USP49: variants seen among roughly 807,000 people sequenced by gnomAD.
USP49 encodes ubiquitin specific peptidase 49.
Under a neutral mutation model 58.6 loss-of-function variants are expected in USP49, and 24 were observed. The observed-to-expected ratio is 0.41, with a 90% CI of 0.30 to 0.58. The LOEUF is 0.58. Ranked by LOEUF, USP49 falls within the 20% of genes least tolerant of loss-of-function variation. The pLI, the probability that USP49 is intolerant of heterozygous loss-of-function variation, is 0.30. For missense variants in USP49, 703 were observed against 866.1 expected, an observed-to-expected ratio of 0.81 and a Z score of 2.36; for synonymous variants, 408 against 365.1, an observed-to-expected ratio of 1.12 and a Z score of -1.34.
At chr6:41,880,691 T>G (rs1458905857) in intron 2 of USP49, among the ~76,000 whole-genome samples, 6 of 152,188 alleles carry the variant, frequency 3.9e-5, no homozygotes, top group African/African-American at 1.4e-4. Flanking sequence ...TATTTTCATA[T>G]ATGCAGATTC....
chr6:41,828,636 G>C (rs1335243311), intron 3 of USP49, among the ~76,000 whole-genome samples: 3 of 152,196 alleles, frequency 2.0e-5, no homozygotes, highest in Non-Finnish European at 4.4e-5. Flanking sequence ...GCCTCTGGCA[G>C]TCAGATGTGT....
At chr6:41,863,023 C>CA (rs1774250557) in intron 3 of USP49, among the ~76,000 whole-genome samples, 2 of 152,120 alleles carry the variant, frequency 1.3e-5, no homozygotes, top group African/African-American at 4.8e-5. Context: ...GCAATCCGCC[C>CA]ATCTCAGCCT....
intron 3 of USP49, among the ~76,000 whole-genome samples, chr6:41,835,880 C>A (rs1773717662): frequency 1.3e-5 from 2 of 151,788 alleles, no homozygotes; most frequent in Admixed American, 1.3e-4. Context: ...TCAAGATCAG[C>A]CTGAGGAAGA....
At chr6:41,873,927 C>T (rs1774458302) in intron 2 of USP49, among the ~76,000 whole-genome samples, 1 of 152,208 alleles carries the variant, frequency 6.6e-6, no homozygotes, top group Non-Finnish European at 1.5e-5. Context: ...ATCATTTACA[C>T]TACTGCAATA....
chr6:41,855,092 A>T (rs1242836492), intron 3 of USP49, among the ~76,000 whole-genome samples: 1 of 151,774 alleles, frequency 6.6e-6, no homozygotes, highest in Non-Finnish European at 1.5e-5. Context: ...TTTTAATCTT[A>T]TAATTCTATT....
At position 41,805,999 on chromosome 6, in the gene USP49, C is replaced by G; in HGVS notation, c.985G>C (p.Gly329Arg). The change falls in exon 4 of 8, where the codon GGC becomes CGC. Residue 329 changes from glycine to arginine, a missense_variant. Around this residue, in one of 6 missense-constraint regions of USP49, gnomAD observed 97 missense variants for 88.0 expected, o/e 1.10. Coordinates refer to ENST00000682992, the MANE Select transcript of USP49 (RefSeq NM_001286554.2). The part of the protein sequence containing the change: ...NDRAEACERE[G>R]FCWNGRASIS... ...GAGGCCCTGCCGTTCCAGCAGAAGC[C>G]CTCCCGCTCGCATGCCTCGGCCCTG... The G allele has an allele frequency of 6.2e-7, 1 of 1,613,964 alleles. No individual in the cohort carries two copies. The highest frequency in any genetic ancestry group is 8.5e-7 in the Non-Finnish European group (1 of 1,180,030).
At chr6:41,846,974 AG>A (rs1460221348) in intron 3 of USP49, among the ~76,000 whole-genome samples, 3 of 152,226 alleles carry the variant, frequency 2.0e-5, no homozygotes, top group African/African-American at 7.2e-5. Flanking sequence ...GGCAGACATC[AG>A]GGGGAGCAAG....
At chr6:41,797,938 G>T in intron 7 of USP49, 1 of 561,558 alleles carries the variant, frequency 1.8e-6, no homozygotes. Context: ...TGAAATCATA[G>T]CTCATTGCAA....
intron 1 of USP49, among the ~76,000 whole-genome samples, chr6:41,892,325 C>A (rs138492340): frequency 6.6e-6 from 1 of 152,152 alleles, no homozygotes; most frequent in African/African-American, 2.4e-5. Flanking sequence ...ATACAGAGTA[C>A]GTCCTACTAC....
chr6:41,817,271 C>A (rs569029989), intron 3 of USP49, among the ~76,000 whole-genome samples: 32 of 150,754 alleles, frequency 2.1e-4, no homozygotes, highest in Middle Eastern at 3.4e-3. Context: ...CCTCAGCCTC[C>A]CGAGTAGCTG....
chr6:41,797,699 C>T (rs1376166195), intron 7 of USP49: 1 of 985,830 alleles, frequency 1.0e-6, no homozygotes, highest in Non-Finnish European at 1.2e-6. Flanking sequence ...TACAATATCT[C>T]CTTGAGGTTA....
At chr6:41,850,099 G>A (rs867099116) in intron 3 of USP49, among the ~76,000 whole-genome samples, 5 of 152,134 alleles carry the variant, frequency 3.3e-5, no homozygotes, top group Admixed American at 6.6e-5. Flanking sequence ...ATGGGATACA[G>A]GAAAAGCAGT....
At chr6:41,819,407 C>A (rs1773415388) in intron 3 of USP49, among the ~76,000 whole-genome samples, 1 of 151,912 alleles carries the variant, frequency 6.6e-6, no homozygotes, top group Admixed American at 6.6e-5. Context: ...TGGTTCATCC[C>A]TGTAGTATGC....
At chr6:41,862,874 A>G (rs1175945831) in intron 3 of USP49, among the ~76,000 whole-genome samples, 1 of 152,124 alleles carries the variant, frequency 6.6e-6, no homozygotes, top group African/African-American at 2.4e-5. Flanking sequence ...CCCAGGTTCC[A>G]GCAATTTTCA....
At chr6:41,814,875 C>T (rs576958084) in intron 3 of USP49, among the ~76,000 whole-genome samples, 1 of 152,308 alleles carries the variant, frequency 6.6e-6, no homozygotes, top group African/African-American at 2.4e-5. Flanking sequence ...ATCTGTGATT[C>T]TGCTCACTGC....
intron 3 of USP49, among the ~76,000 whole-genome samples, chr6:41,823,902 G>A (rs1448188703): frequency 6.6e-6 from 1 of 152,014 alleles, no homozygotes; most frequent in Non-Finnish European, 1.5e-5. Flanking sequence ...GAAGGGAATC[G>A]GCTGAATGGT....
At chr6:41,807,272 G>T (rs1384015384) in intron 3 of USP49, among the ~76,000 whole-genome samples, 1 of 152,060 alleles carries the variant, frequency 6.6e-6, no homozygotes, top group Non-Finnish European at 1.5e-5. Flanking sequence ...AAACTTTATG[G>T]TGTTTCACAT....
intron 5 of USP49, 52 bp from the exon 6 acceptor site, chr6:41,799,990 C>T (rs1225720733): frequency 1.3e-6 from 2 of 1,516,350 alleles, no homozygotes; most frequent in Non-Finnish European, 1.8e-6. Context: ...TTTTTTCTAG[C>T]TATGGCAGAG....
intron 3 of USP49, among the ~76,000 whole-genome samples, chr6:41,861,026 G>A (rs1399900738): frequency 2.0e-5 from 3 of 152,146 alleles, no homozygotes; most frequent in Non-Finnish European, 2.9e-5. Context: ...CTACTCGGGA[G>A]GCTGAGGCAG....
Sources: gnomAD v4.1 joint callset for allele counts (sites outside exome capture counted in the v4.1 genomes callset) on GRCh38, gnomAD v4.1.1 for gene constraint, gnomAD v4.1.1 regional missense constraint, MANE v1.5 for transcripts, NCBI Gene and HGNC (gene_info 2026-07-23, HGNC 2026-07-21) for gene names.